Variants in AHCTF1 observed in about 807,000 individuals in gnomAD.
AHCTF1 encodes the protein protein ELYS.
Under a neutral mutation model 248.4 loss-of-function variants are expected in AHCTF1, and 24 were observed. The observed-to-expected ratio is 0.10, with a 90% confidence interval of 0.07 to 0.14. The LOEUF is 0.14. AHCTF1 is among the 10% of genes least tolerant of loss of function. The pLI is 1.00. For missense variants in AHCTF1, 2,206 were observed against 2,636.2 expected (o/e 0.84, Z 3.57); for synonymous variants, 786 against 929.8 (o/e 0.85, Z 2.81).
intron 35 of AHCTF1, among the ~76,000 whole-genome samples, chr1:246,842,086 C>A (rs920135983): frequency 1.3e-5 from 2 of 152,040 alleles, no homozygotes; most frequent in African/African-American, 4.8e-5. Flanking sequence ...AGCCACCACG[C>A]CCGACCTCCC....
At chr1:246,900,790 G>A (rs1445062439) in intron 8 of AHCTF1, among the ~76,000 whole-genome samples, 2 of 152,204 alleles carry the variant, frequency 1.3e-5, no homozygotes, top group Non-Finnish European at 2.9e-5. Context: ...AGTCTCTCTC[G>A]CAAGGACGGT....
chr1:246,870,105 AAAC>A (rs1168810272), intron 24 of AHCTF1, among the ~76,000 whole-genome samples: 2 of 152,188 alleles, frequency 1.3e-5, no homozygotes, highest in Admixed American at 1.3e-4. Flanking sequence ...TCAGTGGAGA[AAAC>A]AACTGCAGAT....
intron 24 of AHCTF1, among the ~76,000 whole-genome samples, chr1:246,870,422 C>T (rs555426521): frequency 1.3e-5 from 2 of 152,086 alleles, no homozygotes; most frequent in East Asian, 3.9e-4. Flanking sequence ...GACCTTGTCT[C>T]TTAAAAAAAC....
intron 24 of AHCTF1, among the ~76,000 whole-genome samples, chr1:246,871,124 T>C (rs920449424): frequency 1.3e-5 from 2 of 152,294 alleles, no homozygotes. Flanking sequence ...AAAAAGGTGG[T>C]GGCTCATTTT....
rs548149121 is a variant in AHCTF1, at chr1:246,858,689, G to A, written c.4133-875C>T. On this transcript the variant is annotated intron_variant, in intron 29 of 35. Transcript: ENST00000648844. ...ATAATACAAAAATTGGCTGGGCATGGTGGCACGTGCCTGTAATCCCAGCTA... is the reference window on the plus strand; with the variant it reads ...ATAATACAAAAATTGGCTGGGCATGATGGCACGTGCCTGTAATCCCAGCTA... Among the ~76,000 whole-genome samples the A allele has an allele frequency of 2.0e-5, 3 of 152,062 alleles. No individual in the cohort carries two copies. The South Asian group carries it at 6.2e-4, about 32-fold the overall frequency.
chr1:246,861,478 A>G (rs1364758879), intron 28 of AHCTF1, among the ~76,000 whole-genome samples, 183 bp from the exon 29 acceptor site: 1 of 152,190 alleles, frequency 6.6e-6, no homozygotes, highest in Non-Finnish European at 1.5e-5. Flanking sequence ...ATGGTGGCTA[A>G]TGTTTCCCTA....
At chr1:246,867,139 CATTT>C (rs1662035633) in intron 26 of AHCTF1, 101 bp downstream of exon 26, 2 of 625,238 alleles carry the variant, frequency 3.2e-6, no homozygotes, top group African/African-American at 3.8e-5. Flanking sequence ...TTAAAATATT[CATTT>C]AATAATTTAA....
Position 246,851,239 on chromosome 1 carries a change from T to C in AHCTF1, c.4767A>G (p.Gln1589=), listed in dbSNP as rs769738929. ...CTTCCAATATCAAGGTAAAGTTGCT[T>C]TGAGCCACAAAAAGTTCCCCATCTA... ...AEVDGELFVA[Q]SNFTLILEGE... Residue 1589 remains glutamine, a synonymous_variant, in exon 33 of 36, where the codon CAA becomes CAG. Transcript: ENST00000648844. 1.1e-5 allele frequency: 17 copies of C among 1,613,838 alleles called. No homozygotes were observed. Among genetic ancestry groups the C allele is most frequent in the African/African-American group, 2.7e-5 (2 of 74,924 alleles).
chr1:246,875,112 G>A (rs1434780388), intron 24 of AHCTF1, among the ~76,000 whole-genome samples: 2 of 152,144 alleles, frequency 1.3e-5, no homozygotes, highest in Non-Finnish European at 2.9e-5. Context: ...GAGGTGCTAC[G>A]ACTTCCTTAC....
intron 24 of AHCTF1, among the ~76,000 whole-genome samples, chr1:246,869,713 A>G (rs913966555): frequency 2.9e-5 from 4 of 136,894 alleles, no homozygotes; most frequent in Admixed American, 1.4e-4. Flanking sequence ...AACTGTTCAG[A>G]AAAAAAAAAA....
intron 1 of AHCTF1, among the ~76,000 whole-genome samples, chr1:246,920,963 A>T (rs533398574): frequency 6.8e-6 from 1 of 148,148 alleles, no homozygotes; most frequent in South Asian, 2.2e-4. Context: ...ATGGTGGCGC[A>T]TGCCTGTAAT....
At chr1:246,923,613 T>C in intron 1 of AHCTF1, among the ~76,000 whole-genome samples, 1 of 152,202 alleles carries the variant, frequency 6.6e-6, no homozygotes, top group Admixed American at 6.5e-5. Flanking sequence ...TCAATCAACA[T>C]TTCTGGTATA....
At chr1:246,849,343 T>C (rs752156514) in intron 33 of AHCTF1, among the ~76,000 whole-genome samples, 8 of 152,232 alleles carry the variant, frequency 5.3e-5, no homozygotes, top group Non-Finnish European at 7.3e-5. Flanking sequence ...AAGTCACTTA[T>C]AATTTATAAA....
Position 246,900,428 on chromosome 1 carries a change from C to A in AHCTF1, c.1159G>T (p.Val387Leu), listed in dbSNP as rs1664914344. ...DTSVSVFTWQ[V>L]NIYGQGKPSV... The stretch of plus-strand genomic sequence containing the variant: ...GGCTTTCCCTGTCCATATATATTCA[C>A]CTGCCAGGTAAAGACTGAAACACTA... The change falls in exon 9 of 36, where the codon GTG becomes TTG. Residue 387 changes from valine to leucine, a missense_variant. Val to Leu is a conservative substitution (Grantham distance 32). Coordinates refer to ENST00000648844, the MANE Select transcript of AHCTF1 (RefSeq NM_001323342.2). 1 of 1,597,288 alleles carries A rather than the reference C, an allele frequency of 6.3e-7. No individual in the cohort carries two copies. The highest frequency in any genetic ancestry group is 1.9e-5 in the Admixed American group (1 of 53,934).
intron 7 of AHCTF1, 122 bp from the exon 8 acceptor site, chr1:246,902,797 A>C: frequency 1.1e-6 from 1 of 933,764 alleles, no homozygotes; most frequent in Non-Finnish European, 1.5e-6. Flanking sequence ...TAGACTGAAG[A>C]GAACCAATCA....
intron 2 of AHCTF1, 76 bp from the exon 3 acceptor site, chr1:246,916,471 A>G (rs1232625832): frequency 3.1e-6 from 4 of 1,297,164 alleles, no homozygotes; most frequent in Non-Finnish European, 4.3e-6. Context: ...TCATTTACAT[A>G]CAACTATATG....
intron 21 of AHCTF1, among the ~76,000 whole-genome samples, chr1:246,885,091 T>A (rs949640551): frequency 2.6e-5 from 4 of 152,200 alleles, no homozygotes; most frequent in African/African-American, 9.6e-5. Flanking sequence ...AAGGTATTTA[T>A]CTTATTCTAG....
At chr1:246,892,984 A>G (rs1664325691) in intron 14 of AHCTF1, among the ~76,000 whole-genome samples, 1 of 152,148 alleles carries the variant, frequency 6.6e-6, no homozygotes, top group Admixed American at 6.5e-5. Flanking sequence ...TTTGTATGTT[A>G]ATTATTCTTA....
chr1:246,906,567 G>C (rs772530229), intron 5 of AHCTF1, among the ~76,000 whole-genome samples: 1 of 152,008 alleles, frequency 6.6e-6, no homozygotes. Flanking sequence ...GGGCAACAGA[G>C]TGAGACCCCA....
Sources: allele counts gnomAD v4.1 joint callset (sites outside exome capture counted in the v4.1 genomes callset), GRCh38; gene constraint gnomAD v4.1.1; transcripts MANE v1.5; gene names NCBI Gene and HGNC (gene_info 2026-07-23, HGNC 2026-07-21).